Variants in PPP1R21 observed in about 807,000 individuals in gnomAD.
PPP1R21 encodes the protein protein phosphatase 1 regulatory subunit 21, also known as KLRAQ motif containing 1.
In PPP1R21, 85 loss-of-function variants were observed where a neutral mutation model predicts 112.8. The ratio of observed to expected loss-of-function variants is 0.75; its 90% CI spans 0.63 to 0.90. The LOEUF (loss-of-function observed/expected upper bound fraction) is 0.90, where lower values mean the gene tolerates loss of function less well. Ranked by LOEUF, PPP1R21 falls within the 40% of genes least tolerant of loss-of-function variation. The pLI is 0.00. For missense variants in PPP1R21, 1,199 were observed against 901.5 expected (o/e 1.33, Z -4.23); for synonymous variants, 381 against 322.3 (o/e 1.18, Z -1.95).
At chr2:48,507,132 AG>A in intron 18 of PPP1R21, 136 bp from the exon 19 acceptor site, 1 of 1,259,220 alleles carries the variant, frequency 7.9e-7, no homozygotes, top group Non-Finnish European at 1.0e-6. Flanking sequence ...AGTTTCTTCG[AG>A]GGGGTAGGAA....
intron 13 of PPP1R21, among the ~76,000 whole-genome samples, chr2:48,485,036 A>G (rs1669217498): frequency 6.6e-6 from 1 of 152,094 alleles, no homozygotes; most frequent in Admixed American, 6.5e-5. Context: ...GCAATTCAGT[A>G]TACAAAAAGC....
At chr2:48,491,466 C>T (rs1370032786) in intron 15 of PPP1R21, among the ~76,000 whole-genome samples, 3 of 151,586 alleles carry the variant, frequency 2.0e-5, no homozygotes, top group African/African-American at 7.3e-5. Flanking sequence ...TTCAGAGACT[C>T]TTAAACTTGT....
At chr2:48,467,682 G>T (rs532060424) in intron 9 of PPP1R21, among the ~76,000 whole-genome samples, 1 of 152,234 alleles carries the variant, frequency 6.6e-6, no homozygotes, top group African/African-American at 2.4e-5. Flanking sequence ...GGAAGCCACA[G>T]TGCCTTTTGA....
At chr2:48,506,066 G>GCAAAAATTGCAAAAAAATAAC (rs1670359371) in intron 18 of PPP1R21, among the ~76,000 whole-genome samples, 2 of 152,144 alleles carry the variant, frequency 1.3e-5, no homozygotes, top group Non-Finnish European at 1.5e-5. Context: ...TTGCACTTTT[G>GCAAAAATTGCAAAAAAATAAC]AATTTTGAAA....
At chr2:48,490,525 A>G (rs943894741) in intron 14 of PPP1R21, among the ~76,000 whole-genome samples, 5 of 152,212 alleles carry the variant, frequency 3.3e-5, no homozygotes, top group African/African-American at 9.6e-5. Flanking sequence ...CTGAATTTTC[A>G]GTCTTTTTTT....
intron 17 of PPP1R21, among the ~76,000 whole-genome samples, chr2:48,504,395 C>G (rs773677190): frequency 4.6e-5 from 7 of 152,200 alleles, no homozygotes; most frequent in Non-Finnish European, 8.8e-5. Flanking sequence ...GTAATCCCAG[C>G]ACTTTGGGAG....
chr2:48,508,017 A>T (rs1458629571), intron 19 of PPP1R21, among the ~76,000 whole-genome samples: 1 of 149,916 alleles, frequency 6.7e-6, no homozygotes, highest in African/African-American at 2.5e-5. Context: ...TGCCTGCCTC[A>T]GCCTCCCAAA....
intron 13 of PPP1R21, among the ~76,000 whole-genome samples, chr2:48,483,460 G>A (rs934244534): frequency 2.0e-5 from 3 of 151,988 alleles, no homozygotes; most frequent in Non-Finnish European, 2.9e-5. Context: ...TGGGATTATA[G>A]GCGTGAGCCA....
intron 9 of PPP1R21, among the ~76,000 whole-genome samples, chr2:48,469,137 A>G (rs982145428): frequency 1.3e-5 from 2 of 151,454 alleles, no homozygotes; most frequent in Non-Finnish European, 2.9e-5. Context: ...CCCAGGAAAG[A>G]CTGGCCCCCA....
At chr2:48,509,688 G>C (rs561794152) in intron 19 of PPP1R21, among the ~76,000 whole-genome samples, 2 of 151,940 alleles carry the variant, frequency 1.3e-5, no homozygotes, top group South Asian at 2.1e-4. Context: ...CTGGGCAACA[G>C]AGCAAGACTC....
chr2:48,479,325 G>C (rs1158229286), intron 12 of PPP1R21, among the ~76,000 whole-genome samples: 1 of 152,220 alleles, frequency 6.6e-6, no homozygotes, highest in Non-Finnish European at 1.5e-5. Context: ...GTCTCCCTGA[G>C]CTGTGGGAGG....
rs189755401 is a variant in PPP1R21 at position 48,447,290 on chromosome 2, G to A, written c.58-3718G>A. ...AACAGGTGGGATTTGGTTGGCCAAA[G>A]TGAAGAAGGGCTGTGCTCTCAAAGT... is the stretch of plus-strand genomic sequence containing the variant. On this transcript the variant is annotated intron_variant, in intron 1 of 21. Coordinates refer to ENST00000294952, the MANE Select transcript of PPP1R21 (RefSeq NM_001135629.3). Among the ~76,000 whole-genome samples the A allele has an allele frequency of 4.2e-3, 638 of 152,294 alleles. 8 individuals are homozygous for A. Among genetic ancestry groups the A allele is most frequent in the African/African-American group, 0.014 (602 of 41,560 alleles).
intron 15 of PPP1R21, among the ~76,000 whole-genome samples, chr2:48,494,461 C>G (rs1009377573): frequency 3.3e-5 from 5 of 151,862 alleles, no homozygotes; most frequent in African/African-American, 9.7e-5. Context: ...GAGTCTTGCT[C>G]TGTCGCCCAG....
chr2:48,465,868 T>C (rs1037524411), intron 9 of PPP1R21, among the ~76,000 whole-genome samples: 3 of 152,180 alleles, frequency 2.0e-5, no homozygotes, highest in Non-Finnish European at 4.4e-5. Flanking sequence ...GATAAAGACA[T>C]ACTGGAGACT....
At chr2:48,468,422 A>G (rs1423977809) in intron 9 of PPP1R21, among the ~76,000 whole-genome samples, 1 of 152,176 alleles carries the variant, frequency 6.6e-6, no homozygotes, top group Non-Finnish European at 1.5e-5. Flanking sequence ...CTTTAATATC[A>G]CTGTGGGAAA....
chr2:48,459,540 C>CT (rs773905468), intron 4 of PPP1R21, among the ~76,000 whole-genome samples: 6 of 152,138 alleles, frequency 3.9e-5, no homozygotes, highest in Non-Finnish European at 5.9e-5. Flanking sequence ...GTTATTAACT[C>CT]TTTTAAGCTT....
intron 13 of PPP1R21, among the ~76,000 whole-genome samples, chr2:48,480,537 G>T (rs1262318556): frequency 6.6e-6 from 1 of 152,164 alleles, no homozygotes; most frequent in African/African-American, 2.4e-5. Context: ...TTGCTTCTGT[G>T]CTCCTAAAAA....
intron 13 of PPP1R21, among the ~76,000 whole-genome samples, chr2:48,480,251 C>T (rs1668951995): frequency 6.6e-6 from 1 of 152,182 alleles, no homozygotes. Flanking sequence ...GTGTACAGTA[C>T]TTTAGCCAGA....
intron 15 of PPP1R21, 61 bp downstream of exon 15, chr2:48,491,231 G>A: frequency 2.6e-6 from 4 of 1,549,414 alleles, no homozygotes; most frequent in Non-Finnish European, 3.5e-6. Context: ...TCTAGAGAAT[G>A]GCAAGAGTTT....
Sources: gnomAD v4.1 joint callset for allele counts (sites outside exome capture counted in the v4.1 genomes callset) on GRCh38, gnomAD v4.1.1 for gene constraint, MANE v1.5 for transcripts, NCBI Gene and HGNC (gene_info 2026-07-23, HGNC 2026-07-21) for gene names.